RNF180: variants seen among roughly 807,000 people sequenced by gnomAD.
RNF180 encodes ring finger protein 180.
Under a neutral mutation model 59.2 loss-of-function variants are expected in RNF180, and 38 were observed. The observed-to-expected ratio is 0.64, with a 90% CI of 0.50 to 0.84. The LOEUF (loss-of-function observed/expected upper bound fraction) is 0.84, where lower values mean the gene tolerates loss of function less well. Ranked by LOEUF, RNF180 falls within the 40% of genes least tolerant of loss-of-function variation. The probability of loss-of-function intolerance (pLI) is 0.00; values close to 1 mark genes in which losing one functional copy is unlikely to be tolerated. For synonymous variants in RNF180, 262 were observed against 240.3 expected (o/e 1.09, Z -0.84); for missense variants, 705 against 700.9 (o/e 1.01, Z -0.07).
At chr5:64,354,039 G>T (rs1445258699) in intron 7 of RNF180, among the ~76,000 whole-genome samples, 2 of 151,332 alleles carry the variant, frequency 1.3e-5, no homozygotes, top group African/African-American at 4.8e-5. Context: ...AAGCTCTCAA[G>T]TCAACATAAT....
intron 5 of RNF180, among the ~76,000 whole-genome samples, chr5:64,271,963 A>G (rs1741435769): frequency 6.6e-6 from 1 of 152,126 alleles, no homozygotes; most frequent in South Asian, 2.1e-4. Context: ...ATCAGAATGC[A>G]GTAAATTTAG....
intron 4 of RNF180, among the ~76,000 whole-genome samples, chr5:64,214,874 T>C (rs924712066): frequency 1.3e-5 from 2 of 152,022 alleles, no homozygotes; most frequent in East Asian, 3.9e-4. Context: ...GAAAAAATGT[T>C]TTTTTTAAAT....
chr5:64,226,982 CG>C (rs1291965966), intron 5 of RNF180, among the ~76,000 whole-genome samples: 1 of 152,170 alleles, frequency 6.6e-6, no homozygotes, highest in African/African-American at 2.4e-5. Context: ...TGGAGAAACC[CG>C]GCTGACTCCC....
intron 2 of RNF180, among the ~76,000 whole-genome samples, chr5:64,205,408 G>A (rs1751965269): frequency 6.6e-6 from 1 of 152,056 alleles, no homozygotes. Flanking sequence ...GATGAAATGT[G>A]GGCAAAAACC....
intron 1 of RNF180, among the ~76,000 whole-genome samples, chr5:64,191,310 T>A (rs1263079718): frequency 6.6e-6 from 1 of 152,176 alleles, no homozygotes; most frequent in East Asian, 1.9e-4. Flanking sequence ...TTAACTAAAA[T>A]TAATAATTTA....
At chr5:64,224,868 G>A (rs1741582478) in intron 5 of RNF180, among the ~76,000 whole-genome samples, 2 of 152,210 alleles carry the variant, frequency 1.3e-5, no homozygotes, top group South Asian at 4.1e-4. Flanking sequence ...GAAACAGGCT[G>A]TATACAGTGT....
chr5:64,266,768 C>T (rs1744703625), intron 5 of RNF180, among the ~76,000 whole-genome samples: 1 of 151,890 alleles, frequency 6.6e-6, no homozygotes, highest in Admixed American at 6.6e-5. Context: ...AGGTGTAAAT[C>T]GAGAAAAGGA....
intron 5 of RNF180, among the ~76,000 whole-genome samples, chr5:64,286,171 A>C (rs945540158): frequency 4.6e-5 from 7 of 152,216 alleles, no homozygotes; most frequent in African/African-American, 1.7e-4. Context: ...GATGACTTGC[A>C]ACCTCAGAAA....
intron 1 of RNF180, among the ~76,000 whole-genome samples, chr5:64,179,238 C>T (rs60220868): frequency 0.1 from 15,490 of 151,956 alleles, 890 homozygotes; most frequent in South Asian, 0.17. Context: ...TTCAAATTTA[C>T]GATATAGAGA....
At chr5:64,259,801 A>G (rs1373172569) in intron 5 of RNF180, among the ~76,000 whole-genome samples, 1 of 151,964 alleles carries the variant, frequency 6.6e-6, no homozygotes, top group African/African-American at 2.4e-5. Context: ...CATGCCTATA[A>G]TCCCAGCTAC....
chr5:64,220,452 T>C (rs1752848692), intron 5 of RNF180, among the ~76,000 whole-genome samples: 1 of 152,030 alleles, frequency 6.6e-6, no homozygotes, highest in African/African-American at 2.4e-5. Flanking sequence ...GTTAAAACTT[T>C]TTCTGATTTG....
At chr5:64,260,894 T>C (rs2112316672) in intron 5 of RNF180, among the ~76,000 whole-genome samples, 1 of 152,196 alleles carries the variant, frequency 6.6e-6, no homozygotes, top group Non-Finnish European at 1.5e-5. Flanking sequence ...TATTGTTGTA[T>C]GTTCTTTCCG....
chr5:64,179,310 T>C (rs1391039083), intron 1 of RNF180, among the ~76,000 whole-genome samples: 6 of 152,196 alleles, frequency 3.9e-5, no homozygotes, highest in Non-Finnish European at 8.8e-5. Flanking sequence ...AATGTTTTAC[T>C]ATTTTTCCTT....
At chr5:64,183,949 A>G (rs1213879870) in intron 1 of RNF180, among the ~76,000 whole-genome samples, 1 of 152,216 alleles carries the variant, frequency 6.6e-6, no homozygotes, top group Non-Finnish European at 1.5e-5. Context: ...ACCTCCGAAC[A>G]TGGCTATTTG....
chr5:64,234,703 C>A (rs1208900720), intron 5 of RNF180, among the ~76,000 whole-genome samples: 2 of 147,068 alleles, frequency 1.4e-5, no homozygotes, highest in African/African-American at 5.0e-5. Flanking sequence ...GGGTTCACCC[C>A]ATTCTCCGGC....
intron 7 of RNF180, among the ~76,000 whole-genome samples, chr5:64,358,932 A>G (rs1047746032): frequency 5.9e-5 from 9 of 151,266 alleles, no homozygotes; most frequent in South Asian, 2.1e-4. Context: ...ATGATTTCCA[A>G]TTTCACCCAT....
intron 7 of RNF180, among the ~76,000 whole-genome samples, chr5:64,359,735 C>A (rs1746173930): frequency 6.6e-6 from 1 of 151,834 alleles, no homozygotes. Context: ...AATGGTAATG[C>A]CTAGGTTTTC....
intron 7 of RNF180, among the ~76,000 whole-genome samples, chr5:64,365,021 G>C (rs1423894718): frequency 6.6e-6 from 1 of 151,070 alleles, no homozygotes; most frequent in South Asian, 2.1e-4. Context: ...ACAGCTTTTG[G>C]TTTTGTTGAT....
chr5:64,269,696 A>T (rs557951954), intron 5 of RNF180, among the ~76,000 whole-genome samples: 1 of 152,246 alleles, frequency 6.6e-6, no homozygotes, highest in East Asian at 1.9e-4. Flanking sequence ...TGTGATTATG[A>T]CCACATTTAT....
Sources: allele counts gnomAD v4.1 joint callset (sites outside exome capture counted in the v4.1 genomes callset), GRCh38; gene constraint gnomAD v4.1.1; transcripts MANE v1.5; gene names NCBI Gene and HGNC (gene_info 2026-07-23, HGNC 2026-07-21).